Variants in PDE4D observed in about 807,000 individuals in gnomAD.
PDE4D encodes the protein phosphodiesterase 4D.
Under a neutral mutation model 87.4 loss-of-function variants are expected in PDE4D, and 24 were observed. That is an observed-to-expected ratio of 0.27 (90% CI 0.20 to 0.39). The LOEUF (loss-of-function observed/expected upper bound fraction) is 0.39. Among genes scored for constraint, PDE4D ranks in the 10% least tolerant of loss-of-function variants. The pLI, the probability that PDE4D is intolerant of heterozygous loss-of-function variation, is 1.00. For synonymous variants in PDE4D, 384 were observed against 383.2 expected, an observed-to-expected ratio of 1.00 and a Z score of -0.02; for missense variants, 714 against 1,041.0, an observed-to-expected ratio of 0.69 and a Z score of 4.32.
intron 4 of PDE4D, among the ~76,000 whole-genome samples, chr5:59,181,914 A>C (rs1231580947): frequency 6.6e-6 from 1 of 152,102 alleles, no homozygotes; most frequent in Non-Finnish European, 1.5e-5. Context: ...AATCTCTTCA[A>C]ATATGCCTTG....
At chr5:59,056,580 T>G (rs1580558960) in intron 5 of PDE4D, among the ~76,000 whole-genome samples, 1 of 152,170 alleles carries the variant, frequency 6.6e-6, no homozygotes, top group Non-Finnish European at 1.5e-5. Context: ...GTATTTGTAC[T>G]AATGTTCTTC....
At position 60,467,226 on chromosome 5, in the gene PDE4D, G is replaced by A. The variant is rs144389690; in HGVS notation, c.-90+20716C>T. On this transcript the variant is annotated intron_variant, in intron 1 of 16. Coordinates refer to the PDE4D transcript ENST00000502484. ...AGCTAATTTTTGTATTCTTAGTAGA[G>A]ACGGGGTTTCACCATGTTCGCCAGG... Among the ~76,000 whole-genome samples the A allele has an allele frequency of 6.1e-3, 922 of 152,088 alleles. 9 individuals are homozygous for A. The highest frequency in any genetic ancestry group is 0.021 in the African/African-American group (872 of 41,500).
At chr5:59,208,930 C>T (rs1749453513) in intron 2 of PDE4D, among the ~76,000 whole-genome samples, 1 of 152,120 alleles carries the variant, frequency 6.6e-6, no homozygotes, top group African/African-American at 2.4e-5. Context: ...TGCATCAACA[C>T]TCCGAATAAT....
intron 3 of PDE4D, among the ~76,000 whole-genome samples, chr5:59,971,850 A>C (rs541803012): frequency 8.5e-5 from 13 of 152,300 alleles, no homozygotes; most frequent in Admixed American, 2.6e-4. Flanking sequence ...ATTTGCAAAC[A>C]ATAGAAATGA....
At chr5:60,436,923 A>C (rs1324023935) in intron 1 of PDE4D, among the ~76,000 whole-genome samples, 10 of 152,094 alleles carry the variant, frequency 6.6e-5, no homozygotes, top group African/African-American at 1.9e-4. Context: ...CTGGCAGAAA[A>C]AATATTATGA....
chr5:59,722,124 C>T (rs973846671), intron 1 of PDE4D, among the ~76,000 whole-genome samples: 3 of 152,130 alleles, frequency 2.0e-5, no homozygotes, highest in Admixed American at 6.6e-5. Context: ...ATTCCCATAC[C>T]CTATAATTAA....
At chr5:60,488,370 G>C (rs998493868), upstream of PDE4D, 5 of 151,912 alleles carry the variant, frequency 3.3e-5, no homozygotes, top group Admixed American at 6.6e-5. Flanking sequence ...CCGGCGCTAC[G>C]GGACCCGAGC....
chr5:59,816,908 G>T, intron 1 of PDE4D, among the ~76,000 whole-genome samples: 1 of 152,204 alleles, frequency 6.6e-6, no homozygotes, highest in East Asian at 1.9e-4. Context: ...ATGCAAATTT[G>T]TTCCTAGATC....
At chr5:59,786,476 G>A (rs956416487) in intron 1 of PDE4D, among the ~76,000 whole-genome samples, 1 of 152,210 alleles carries the variant, frequency 6.6e-6, no homozygotes, top group Non-Finnish European at 1.5e-5. Flanking sequence ...TGAAGCATGT[G>A]GGTTCCAGGC....
intron 5 of PDE4D, among the ~76,000 whole-genome samples, chr5:59,154,368 T>C (rs1779866344): frequency 6.6e-6 from 1 of 152,208 alleles, no homozygotes; most frequent in African/African-American, 2.4e-5. Flanking sequence ...ACCATATTTA[T>C]CTTTGATATT....
At chr5:59,051,425 T>C (rs1005355258) in intron 5 of PDE4D, among the ~76,000 whole-genome samples, 2 of 152,134 alleles carry the variant, frequency 1.3e-5, no homozygotes, top group African/African-American at 4.8e-5. Context: ...AAAAGTCAAC[T>C]ATGTAGGAAG....
chr5:59,528,063 T>C (rs1378487479), intron 1 of PDE4D, among the ~76,000 whole-genome samples: 3 of 152,186 alleles, frequency 2.0e-5, no homozygotes, highest in African/African-American at 7.2e-5. Flanking sequence ...TAAGCAAAAT[T>C]CTTTTAAGTT....
chr5:59,997,231 C>A (rs987659911), intron 2 of PDE4D, among the ~76,000 whole-genome samples: 2 of 152,048 alleles, frequency 1.3e-5, no homozygotes, highest in Non-Finnish European at 2.9e-5. Flanking sequence ...CAGTTACATA[C>A]AGTAATAGAA....
chr5:59,234,420 A>G (rs1755915644), intron 1 of PDE4D, among the ~76,000 whole-genome samples: 1 of 152,158 alleles, frequency 6.6e-6, no homozygotes, highest in South Asian at 2.1e-4. Flanking sequence ...TACAGTGTAA[A>G]CAAGGCCATC....
chr5:60,261,064 CAT>C (rs1358665613), intron 1 of PDE4D, among the ~76,000 whole-genome samples: 4 of 151,866 alleles, frequency 2.6e-5, no homozygotes, highest in African/African-American at 7.3e-5. Context: ...TATGGGAAGA[CAT>C]AAAAATGAAG....
intron 1 of PDE4D, among the ~76,000 whole-genome samples, chr5:59,326,750 T>G (rs1775745409): frequency 2.0e-5 from 3 of 152,172 alleles, no homozygotes; most frequent in Non-Finnish European, 4.4e-5. Flanking sequence ...GCATATTATT[T>G]CGAAATAGAT....
intron 2 of PDE4D, among the ~76,000 whole-genome samples, chr5:60,040,802 C>A (rs1227824009): frequency 6.6e-6 from 1 of 152,106 alleles, no homozygotes; most frequent in African/African-American, 2.4e-5. Flanking sequence ...TATTATTACC[C>A]TAAATGTTAA....
chr5:60,083,098 G>A (rs7730060), intron 2 of PDE4D, among the ~76,000 whole-genome samples: 4,794 of 152,066 alleles, frequency 0.032, 244 homozygotes, highest in African/African-American at 0.11. Context: ...AGTCATGTCC[G>A]TCCCCTCCAC....
At chr5:59,673,073 C>A (rs1747480526) in intron 1 of PDE4D, among the ~76,000 whole-genome samples, 1 of 152,190 alleles carries the variant, frequency 6.6e-6, no homozygotes, top group South Asian at 2.1e-4. Flanking sequence ...ATAAAGAAGT[C>A]TTCCACTCCA....
Sources: allele counts gnomAD v4.1 joint callset (sites outside exome capture counted in the v4.1 genomes callset), GRCh38; gene constraint gnomAD v4.1.1; transcripts MANE v1.5; gene names NCBI Gene and HGNC (gene_info 2026-07-23, HGNC 2026-07-21).